YAP1: variants seen among roughly 807,000 people sequenced by gnomAD.
YAP1 encodes Yes1 associated transcriptional regulator.
A neutral mutation model predicts 56.9 loss-of-function variants in YAP1; 5 were observed. The ratio of observed to expected loss-of-function variants is 0.09; its 90% CI spans 0.05 to 0.18. The LOEUF is 0.18. Among genes scored for constraint, YAP1 ranks in the 10% least tolerant of loss-of-function variants. YAP1 has a pLI of 1.00. For synonymous variants in YAP1, 265 were observed against 248.1 expected, an observed-to-expected ratio of 1.07 and a Z score of -0.64; for missense variants, 539 against 651.8, an observed-to-expected ratio of 0.83 and a Z score of 1.88.
chr11:102,163,058 T>C (rs1946389995), intron 3 of YAP1, among the ~76,000 whole-genome samples: 1 of 151,850 alleles, frequency 6.6e-6, no homozygotes, highest in Admixed American at 6.6e-5. Flanking sequence ...TCTGAAAATA[T>C]CTGGAAGGCA....
At chr11:102,187,862 A>G (rs1366793761) in intron 4 of YAP1, among the ~76,000 whole-genome samples, 2 of 152,184 alleles carry the variant, frequency 1.3e-5, no homozygotes, top group African/African-American at 2.4e-5. Context: ...GTGCCCAGAA[A>G]AAGTTTCATA....
intron 2 of YAP1, among the ~76,000 whole-genome samples, chr11:102,135,533 C>A (rs975213984): frequency 1.3e-5 from 2 of 152,176 alleles, no homozygotes; most frequent in Non-Finnish European, 2.9e-5. Flanking sequence ...GCCTTTCTAG[C>A]ATTGCGGTCT....
intron 2 of YAP1, among the ~76,000 whole-genome samples, chr11:102,142,646 A>G (rs17097421): frequency 0.015 from 2,324 of 152,332 alleles, 60 homozygotes; most frequent in African/African-American, 0.053. Context: ...TTGATTGTCA[A>G]GTACAACTCA....
At chr11:102,180,172 G>A (rs947724396) in intron 3 of YAP1, among the ~76,000 whole-genome samples, 4 of 151,646 alleles carry the variant, frequency 2.6e-5, no homozygotes, top group Admixed American at 1.3e-4. Context: ...ACCACACCCG[G>A]CTAATTTTGT....
intron 2 of YAP1, among the ~76,000 whole-genome samples, chr11:102,121,369 A>G (rs952170536): frequency 2.6e-5 from 4 of 151,570 alleles, no homozygotes; most frequent in Non-Finnish European, 2.9e-5. Flanking sequence ...GAGCCTGGGA[A>G]GTCGAGGCTG....
chr11:102,150,727 A>G (rs1464671654), intron 2 of YAP1, among the ~76,000 whole-genome samples: 1 of 152,048 alleles, frequency 6.6e-6, no homozygotes, highest in East Asian at 1.9e-4. Flanking sequence ...TGTCATATTA[A>G]GAATATTAAT....
At chr11:102,204,695 A>G (rs549728769) in intron 4 of YAP1, among the ~76,000 whole-genome samples, 29 of 152,336 alleles carry the variant, frequency 1.9e-4, no homozygotes, top group South Asian at 1.4e-3. Flanking sequence ...TTAAGTTATA[A>G]GAGCTGTCAG....
chr11:102,202,237 G>A, intron 4 of YAP1, among the ~76,000 whole-genome samples: 1 of 151,256 alleles, frequency 6.6e-6, no homozygotes, highest in East Asian at 1.9e-4. Flanking sequence ...TTGGCTCAGT[G>A]CAACCTCTGT....
intron 6 of YAP1, among the ~76,000 whole-genome samples, chr11:102,217,150 C>G (rs1031116297): frequency 2.6e-5 from 4 of 152,148 alleles, no homozygotes; most frequent in African/African-American, 9.7e-5. Flanking sequence ...GCCATTGGCC[C>G]TTCTTACTAC....
intron 3 of YAP1, among the ~76,000 whole-genome samples, chr11:102,165,350 A>AC (rs543253613): frequency 1.1e-3 from 160 of 152,286 alleles, no homozygotes; most frequent in Admixed American, 4.3e-3. Context: ...ATAGAGTGGG[A>AC]CCCCATCTTA....
intron 6 of YAP1, among the ~76,000 whole-genome samples, chr11:102,216,080 T>A (rs534015562): frequency 0.012 from 1,794 of 152,326 alleles, 19 homozygotes; most frequent in African/African-American, 0.039. Flanking sequence ...GAAAGTATCC[T>A]ACTCCATGCT....
Position 102,223,653 on chromosome 11 carries a change from T to C in YAP1, c.1064T>C (p.Leu355Pro), listed in dbSNP as rs375788147. Residue 355 changes from leucine (L) to proline (P), a missense_variant, in exon 7 of 9, where the codon CTG (leucine) becomes CCG (proline). Physicochemically the swap from Leu to Pro is moderately conservative, Grantham distance 98. This residue lies in a region of YAP1 where 414 missense variants were observed against 512.4 expected (regional missense o/e 0.81). Transcript: ENST00000282441. The part of the protein sequence containing the change: ...ELALRSQLPT[L>P]EQDGGTQNPV... ...GCCCTGCGTAGCCAGTTACCAACAC[T>C]GGAGCAGGATGGTGGGACTCAAAAT... is the stretch of plus-strand genomic sequence containing the variant. 6.2e-7 allele frequency: 1 copy of C among 1,614,072 alleles called. No homozygotes were observed. The highest frequency in any genetic ancestry group is 1.3e-5 in the African/African-American group (1 of 74,954).
chr11:102,196,154 A>G (rs140904156), intron 4 of YAP1, among the ~76,000 whole-genome samples: 1 of 152,314 alleles, frequency 6.6e-6, no homozygotes, highest in Non-Finnish European at 1.5e-5. Context: ...ATTAACCATA[A>G]CATTCCCATA....
At chr11:102,151,561 C>T (rs1277290715) in intron 2 of YAP1, among the ~76,000 whole-genome samples, 1 of 152,172 alleles carries the variant, frequency 6.6e-6, no homozygotes, top group Non-Finnish European at 1.5e-5. Flanking sequence ...TTTCTAACCT[C>T]TGTCATTTTA....
Position 102,186,030 on chromosome 11 carries a change from A to G in YAP1, c.701A>G (p.Asp234Gly). 1 of 1,593,542 alleles carries G rather than the reference A, an allele frequency of 6.3e-7. No homozygotes were observed. Among genetic ancestry groups the G allele is most frequent in the African/African-American group, 1.4e-5 (1 of 72,206 alleles). ...TTCTGTATTATAGGTCCTCTTCCTG[A>G]TGGATGGGAACAAGCCATGACTCAG... ...MMNSASGPLP[D>G]GWEQAMTQDG... The change falls in exon 4 of 9, where the codon GAT becomes GGT. Residue 234 changes from aspartate to glycine, a missense_variant. Physicochemically the swap from Asp to Gly is moderately conservative, Grantham distance 94 (BLOSUM62 -1). Coordinates refer to ENST00000282441, the MANE Select transcript of YAP1 (RefSeq NM_001130145.3).
In YAP1 at chr11:102,185,097, C is replaced by A. The variant is rs563462345; in HGVS notation, c.689-921C>A. Among the ~76,000 whole-genome samples, 3 of 152,310 alleles carry A rather than the reference C, an allele frequency of 2.0e-5. No individual in the cohort carries two copies. The South Asian group carries it at 6.2e-4, about 32-fold the overall frequency. On this transcript the variant is annotated intron_variant, in intron 3 of 8. Transcript: ENST00000282441. Reference sequence around the variant, plus strand: ...AAGATTTTAGCCATGTACTGACCATCCCAGTTTGTATCTCCTGCCCTGCCT... The same window carrying A: ...AAGATTTTAGCCATGTACTGACCATACCAGTTTGTATCTCCTGCCCTGCCT...
intron 2 of YAP1, among the ~76,000 whole-genome samples, chr11:102,134,377 G>A (rs1944550451): frequency 2.0e-5 from 3 of 151,116 alleles, no homozygotes; most frequent in Non-Finnish European, 4.4e-5. Context: ...ATTGAGAGTT[G>A]GATTTTTTTT....
chr11:102,192,778 A>G (rs1474238967), intron 4 of YAP1, among the ~76,000 whole-genome samples: 1 of 152,220 alleles, frequency 6.6e-6, no homozygotes, highest in Non-Finnish European at 1.5e-5. Context: ...ATACTTTTGA[A>G]CTATTTATTG....
chr11:102,125,178 G>C (rs1943954385), intron 2 of YAP1, among the ~76,000 whole-genome samples: 1 of 151,186 alleles, frequency 6.6e-6, no homozygotes, highest in Non-Finnish European at 1.5e-5. Flanking sequence ...GCTGGGACCG[G>C]CTAATTTTTG....
Sources: allele counts gnomAD v4.1 joint callset (sites outside exome capture counted in the v4.1 genomes callset), GRCh38; gene constraint gnomAD v4.1.1; regional missense constraint gnomAD v4.1.1; transcripts MANE v1.5; gene names NCBI Gene and HGNC (gene_info 2026-07-23, HGNC 2026-07-21).